The following RBBP4 variants were observed in gnomAD, a reference collection of about 807,000 sequenced individuals.
The protein encoded by RBBP4 is histone-binding protein RBBP4.
In RBBP4, 3 loss-of-function variants were observed where a neutral mutation model predicts 57.2. The observed-to-expected ratio is 0.05, with a 90% CI of 0.02 to 0.14. The LOEUF (loss-of-function observed/expected upper bound fraction) is 0.14, where lower values mean the gene tolerates loss of function less well. Ranked by LOEUF, RBBP4 falls within the 10% of genes least tolerant of loss-of-function variation. The pLI, the probability that RBBP4 is intolerant of heterozygous loss-of-function variation, is 1.00. For synonymous variants in RBBP4, 151 were observed against 171.5 expected (o/e 0.88, Z 0.93); for missense variants, 107 against 520.6 (o/e 0.21, Z 7.73).
Position 32,669,579 on chromosome 1 carries a change from G to A in RBBP4, c.966+16G>A. 1 of 1,586,214 alleles carries A rather than the reference G, an allele frequency of 6.3e-7. No homozygotes were observed. The highest frequency in any genetic ancestry group is 8.5e-7 in the Non-Finnish European group (1 of 1,171,792). On this transcript the variant is annotated intron_variant, in intron 8 of 11. Transcript: ENST00000373493. The surrounding 1 kb of genome is among the most constrained non-coding windows in gnomAD (Gnocchi z 4.9). ...AATATTCCAGGTAAGAGAAACTAAT[G>A]CTACTATTTTGTTTGTTTTAAGAAA...
Position 32,682,791 on chromosome 1 carries a change from T to C in RBBP4, c.*3086T>C, listed in dbSNP as rs567823711. The C allele has an allele frequency of 6.6e-6, 1 of 151,992 alleles. No homozygotes were observed. The highest frequency in any genetic ancestry group is 1.9e-4 in the East Asian group (1 of 5,138). The allele number at this position is 151,992 out of a possible 1,614,324, so 9.4% of individuals were successfully genotyped here. ...CTCAAAAAAAAAAGAAAGTTGTGAA[T>C]TTGATGTAAGCTTAGGAAATGAATA... On this transcript the variant is annotated 3_prime_UTR_variant, in exon 12 of 12. Coordinates refer to ENST00000373493, the MANE Select transcript of RBBP4 (RefSeq NM_005610.3).
chr1:32,678,678 C>A (rs1007698229), intron 11 of RBBP4, among the ~76,000 whole-genome samples: 1 of 137,598 alleles, frequency 7.3e-6, no homozygotes. Context: ...CAACCACCAC[C>A]TCCCAGGTTC....
chr1:32,685,170 A>G lies in RBBP4; in HGVS notation c.*5465A>G, dbSNP rs1025905089. On this transcript the variant is annotated 3_prime_UTR_variant, in exon 12 of 12. Coordinates refer to ENST00000373493, the MANE Select transcript of RBBP4 (RefSeq NM_005610.3). ...CAGCTTATCCTTTTTTCATTACACA[A>G]AAAGACTGAATTTGGTTAGTTCTAA... The G allele has an allele frequency of 7.2e-5, 11 of 152,184 alleles. No individual in the cohort carries two copies. Among genetic ancestry groups the G allele is most frequent in the African/African-American group, 2.7e-4 (11 of 41,438 alleles). 9.4% of individuals were successfully genotyped at this position (152,184 alleles called of 1,614,324 possible).
At chr1:32,653,432 TG>T (rs1458848096) in intron 2 of RBBP4, among the ~76,000 whole-genome samples, 1 of 152,102 alleles carries the variant, frequency 6.6e-6, no homozygotes, top group Non-Finnish European at 1.5e-5. Context: ...TTAAGATAAT[TG>T]CAAAATGTTA....
intron 2 of RBBP4, among the ~76,000 whole-genome samples, chr1:32,652,667 A>C (rs1439179069): frequency 5.3e-5 from 8 of 152,032 alleles, no homozygotes; most frequent in African/African-American, 1.7e-4. Flanking sequence ...AAGCCCTCCC[A>C]AGTAGCTGGG....
chr1:32,679,906 G>A lies in RBBP4; in HGVS notation c.*201G>A, dbSNP rs1307420192. On this transcript the variant is annotated 3_prime_UTR_variant, in exon 12 of 12. Coordinates refer to ENST00000373493, the MANE Select transcript of RBBP4 (RefSeq NM_005610.3). ...GATTCAACAAAGCCACAGACTTAAC[G>A]TTGAAATTTTCTTCAGGAATTTTCT... is the stretch of plus-strand genomic sequence containing the variant. 12 of 1,290,408 alleles carry A rather than the reference G, an allele frequency of 9.3e-6. No homozygotes were observed. The Admixed American group carries it at 2.4e-4, about 26-fold the overall frequency. 79.9% of individuals were successfully genotyped at this position (1,290,408 alleles called of 1,614,324 possible).
intron 11 of RBBP4, among the ~76,000 whole-genome samples, chr1:32,679,049 C>G (rs1400025316): frequency 6.6e-6 from 1 of 152,134 alleles, no homozygotes; most frequent in Non-Finnish European, 1.5e-5. Context: ...ATAATCCTAG[C>G]ACTTTGAGAG....
chr1:32,651,536 C>T (rs12407680), intron 1 of RBBP4: 1 of 1,271,738 alleles, frequency 7.9e-7, no homozygotes, highest in Non-Finnish European at 1.0e-6. Context: ...CGGTGGGGCC[C>T]CCGGCCAGTG....
chr1:32,676,975 C>G (rs566694566), intron 11 of RBBP4, among the ~76,000 whole-genome samples: 2 of 152,248 alleles, frequency 1.3e-5, no homozygotes, highest in South Asian at 4.1e-4. Context: ...CAAGGTTAAA[C>G]TAGATCCCTG....
At position 32,669,430 on chromosome 1, in the gene RBBP4, C is replaced by T; in HGVS notation, c.889-56C>T. 3 of 1,566,342 alleles carry T rather than the reference C, an allele frequency of 1.9e-6. No homozygotes were observed. Among genetic ancestry groups the T allele is most frequent in the Admixed American group, 4.2e-5 (2 of 47,502 alleles). ...TTGAATTGCAGAGATATTTTACTTA[C>T]AGTATTTTTTTTTTCTTAAAAAATT... On this transcript the variant is annotated intron_variant, in intron 7 of 11. Coordinates refer to ENST00000373493, the MANE Select transcript of RBBP4 (RefSeq NM_005610.3). The surrounding 1 kb of genome is among the most constrained non-coding windows in gnomAD (Gnocchi z 4.9).
At chr1:32,653,602 A>G (rs1298750193) in intron 2 of RBBP4, among the ~76,000 whole-genome samples, 1 of 119,416 alleles carries the variant, frequency 8.4e-6, no homozygotes, top group Non-Finnish European at 1.8e-5. Flanking sequence ...AGAAATTGGG[A>G]GTTAGAAGCT....
intron 3 of RBBP4, among the ~76,000 whole-genome samples, chr1:32,665,633 G>A (rs900408091): frequency 6.7e-6 from 1 of 148,862 alleles, no homozygotes; most frequent in South Asian, 2.1e-4. Context: ...AGCCGAGATC[G>A]TGCCATTACA....
At chr1:32,666,738 CTG>C (rs911095254) in intron 3 of RBBP4, among the ~76,000 whole-genome samples, 1 of 152,078 alleles carries the variant, frequency 6.6e-6, no homozygotes, top group African/African-American at 2.4e-5. Context: ...AAGGCACAAA[CTG>C]TTTCAGTATA....
intron 3 of RBBP4, among the ~76,000 whole-genome samples, chr1:32,664,672 C>G (rs971375512): frequency 1.3e-5 from 2 of 152,056 alleles, no homozygotes; most frequent in African/African-American, 4.8e-5. Context: ...ATGCTGATCT[C>G]AAACTCCTGA....
At chr1:32,657,852 A>G (rs1035396884) in intron 3 of RBBP4, among the ~76,000 whole-genome samples, 5 of 151,964 alleles carry the variant, frequency 3.3e-5, no homozygotes, top group Non-Finnish European at 5.9e-5. Flanking sequence ...ATTGCTGTAC[A>G]TTCTTGATTT....
chr1:32,661,682 C>T (rs1245518657), intron 3 of RBBP4, among the ~76,000 whole-genome samples: 2 of 151,764 alleles, frequency 1.3e-5, no homozygotes, highest in Non-Finnish European at 2.9e-5. Context: ...CTAAGTGTTC[C>T]CTTTTCTCTG....
rs746969572 is a variant in RBBP4, at chr1:32,669,227, G to T, written c.762-4G>T. 3 of 1,606,544 alleles carry T rather than the reference G, an allele frequency of 1.9e-6. No homozygotes were observed. Among genetic ancestry groups the T allele is most frequent in the Admixed American group, 3.4e-5 (2 of 58,126 alleles). ...TTTTTTCCTTTGTTTTTTTTTCACTGAAGTTGGGATACTCGTTCAAACAAT... is the reference window on the plus strand; with the variant it reads ...TTTTTTCCTTTGTTTTTTTTTCACTTAAGTTGGGATACTCGTTCAAACAAT... On this transcript the variant is annotated splice_region_variant and splice_polypyrimidine_tract_variant and intron_variant, in intron 6 of 11. Coordinates refer to ENST00000373493, the MANE Select transcript of RBBP4 (RefSeq NM_005610.3). The surrounding 1 kb of genome is among the most constrained non-coding windows in gnomAD (Gnocchi z 4.9).
At chr1:32,676,541 C>T (rs1014323447) in intron 11 of RBBP4, among the ~76,000 whole-genome samples, 4 of 148,006 alleles carry the variant, frequency 2.7e-5, no homozygotes, top group African/African-American at 5.0e-5. Flanking sequence ...ACCCAGGAGG[C>T]GGAGGAGTTG....
rs1224319099 is a variant in RBBP4 at position 32,669,360 on chromosome 1, C to T, written c.888+3C>T. 1 of 1,595,862 alleles carries T rather than the reference C, an allele frequency of 6.3e-7. No individual in the cohort carries two copies. Among genetic ancestry groups the T allele is most frequent in the Admixed American group, 1.8e-5 (1 of 54,680 alleles). ...TTGCCACAGGATCAGCTGACAAGGT[C>T]AGTTTCGTTTATTTTAATAGAAAAC... On this transcript the variant is annotated splice_donor_region_variant and intron_variant, in intron 7 of 11. Coordinates refer to ENST00000373493, the MANE Select transcript of RBBP4 (RefSeq NM_005610.3). This position sits in a 1 kb window ranked among gnomAD's most constrained non-coding sequence, Gnocchi z 4.9.
Sources: allele counts gnomAD v4.1 joint callset (sites outside exome capture counted in the v4.1 genomes callset), GRCh38; gene constraint gnomAD v4.1.1; non-coding constraint Gnocchi (gnomAD v3.1); transcripts MANE v1.5; gene names NCBI Gene and HGNC (gene_info 2026-07-23, HGNC 2026-07-21).